Variants in TCIRG1 observed in about 807,000 individuals in gnomAD.
The protein encoded by TCIRG1 is T cell immune regulator 1, ATPase H+ transporting V0 subunit a3, also known as V-type proton ATPase 116 kDa subunit a 3.
TCIRG1 carries 86 observed loss-of-function variants against 95.5 expected under a neutral mutation model. The ratio of observed to expected loss-of-function variants is 0.90; its 90% confidence interval spans 0.76 to 1.08. TCIRG1 has a LOEUF of 1.08. Ranked by LOEUF, TCIRG1 falls within the 50% of genes least tolerant of loss-of-function variation. The probability of loss-of-function intolerance (pLI) is 0.00; values close to 1 mark genes in which losing one functional copy is unlikely to be tolerated. For synonymous variants in TCIRG1, 499 were observed against 501.3 expected, an observed-to-expected ratio of 1.00 and a Z score of 0.06; for missense variants, 1,069 against 1,140.2, an observed-to-expected ratio of 0.94 and a Z score of 0.90.
At position 68,049,152 on chromosome 11, in the gene TCIRG1, G is replaced by A; in HGVS notation, c.1745G>A (p.Gly582Asp). 10 of 1,613,924 alleles carry A rather than the reference G, an allele frequency of 6.2e-6. No homozygotes were observed. Among genetic ancestry groups the A allele is most frequent in the Non-Finnish European group, 8.5e-6 (10 of 1,180,010 alleles). Residue 582 changes from glycine (G) to aspartate (D), a missense_variant, in exon 15 of 20, where the codon GGT becomes GAT. Transcript: ENST00000265686. The part of the protein sequence containing the change: ...PELTFLLGLF[G>D]YLVFLVIYKW... ...CTCACCTTCCTGCTGGGACTCTTCG[G>A]TTACCTCGTGTTCCTAGTCATCTAC...
rs1855414759 is a variant in TCIRG1, at chr11:68,045,116, C to T, written c.1165+14C>T. ...AGGTCAACCCCGGTGAGAGCCACGG[C>T]ATCCTTACCCGTGTCCTGGGAGGCT... On this transcript the variant is annotated intron_variant, in intron 10 of 19. Transcript: ENST00000265686. The T allele has an allele frequency of 2.5e-6, 4 of 1,599,560 alleles. No individual in the cohort carries two copies. In the African/African-American group the frequency reaches 4.0e-5, roughly 16 times the overall value.
At chr11:68,045,626 T>C (rs879272967) in intron 10 of TCIRG1, among the ~76,000 whole-genome samples, 5 of 151,790 alleles carry the variant, frequency 3.3e-5, no homozygotes, top group Non-Finnish European at 5.9e-5. Flanking sequence ...TGATCTCGGC[T>C]CACTGAAACC....
chr11:68,053,190 A>C (rs1855862357), downstream of TCIRG1: 2 of 157,152 alleles, frequency 1.3e-5, no homozygotes. Context: ...GAGAGGCCCA[A>C]AGAGCTAGGT....
In TCIRG1 at chr11:68,049,683, G is replaced by C. The variant is rs1322052572; in HGVS notation, c.1908G>C (p.Leu636=). The change falls in exon 16 of 20, where the codon CTG becomes CTC. Residue 636 remains leucine (L), a synonymous_variant. Transcript: ENST00000265686. ...YPRQEVVQAT[L]VVLALAMVPI... is the part of the protein sequence containing the mutation. ...GGCAGGAGGTGGTCCAGGCCACGCT[G>C]GTGGTCCTGGCCTTGGCCATGGTGC... is the stretch of plus-strand genomic sequence containing the variant. The C allele has an allele frequency of 3.1e-6, 5 of 1,600,680 alleles. No homozygotes were observed. The highest frequency in any genetic ancestry group is 4.2e-6 in the Non-Finnish European group (5 of 1,178,806).
In TCIRG1 at chr11:68,043,855, C is replaced by T; in HGVS notation, c.755C>T (p.Ala252Val). 3 of 1,567,404 alleles carry T rather than the reference C, an allele frequency of 1.9e-6. No individual in the cohort carries two copies. The highest frequency in any genetic ancestry group is 2.6e-6 in the Non-Finnish European group (3 of 1,157,386). The change falls in exon 8 of 20, where the codon GCC becomes GTC. Residue 252 changes from alanine (A) to valine (V), a missense_variant. Ala to Val is a moderately conservative substitution (Grantham distance 64). Transcript: ENST00000265686. ...HVFPFLQQEE[A>V]RLGALQQLQQ... ...TTCCCGTTTCTGCAGCAGGAGGAGGCCCGCCTCGGGGCCCTGCAGCAGCTG... is the reference window on the plus strand; with the variant it reads ...TTCCCGTTTCTGCAGCAGGAGGAGGTCCGCCTCGGGGCCCTGCAGCAGCTG...
rs755196821 is a variant in TCIRG1 at position 68,049,252 on chromosome 11, C to T, written c.1845C>T (p.Leu615=). The change falls in exon 15 of 20, where the codon CTC becomes CTT. Residue 615 remains leucine (L), a synonymous_variant. Coordinates refer to ENST00000265686, the MANE Select transcript of TCIRG1 (RefSeq NM_006019.4). Reference sequence around the variant, plus strand: ...TCATCCACTTCATCAACATGTTCCTCTTCTCCCACAGCCCCAGCAACAGGC... The same window carrying T: ...TCATCCACTTCATCAACATGTTCCTTTTCTCCCACAGCCCCAGCAACAGGC... The part of the protein sequence containing the change: ...SILIHFINMF[L]FSHSPSNRLL... 4.3e-6 allele frequency: 7 copies of T among 1,613,454 alleles called. No homozygotes were observed. The highest frequency in any genetic ancestry group is 3.3e-5 in the South Asian group (3 of 91,090).
At chr11:68,040,190 C>T (rs972250094) in intron 1 of TCIRG1, among the ~76,000 whole-genome samples, 6 of 152,338 alleles carry the variant, frequency 3.9e-5, no homozygotes, top group Non-Finnish European at 8.8e-5. Context: ...AGGGGTGCCA[C>T]GTCCCATTCA....
In TCIRG1 at chr11:68,045,075, G is replaced by T; in HGVS notation, c.1138G>T (p.Val380Leu). 1.2e-6 allele frequency: 2 copies of T among 1,603,278 alleles called. No homozygotes were observed. The highest frequency in any genetic ancestry group is 1.1e-5 in the South Asian group (1 of 91,086). Residue 380 changes from valine to leucine, a missense_variant, in exon 10 of 20, where the codon GTG becomes TTG. Val to Leu is a conservative substitution (Grantham distance 32). Coordinates refer to ENST00000265686, the MANE Select transcript of TCIRG1 (RefSeq NM_006019.4). Reference sequence around the variant, plus strand: ...CCAGGGCATCGTGGATGCCTACGGCGTGGGCCGCTACCAGGAGGTCAACCC... The same window carrying T: ...CCAGGGCATCGTGGATGCCTACGGCTTGGGCCGCTACCAGGAGGTCAACCC... ...SFQGIVDAYG[V>L]GRYQEVNPAP...
At chr11:68,053,752 A>G (rs762240767), downstream of TCIRG1, 16 of 474,584 alleles carry the variant, frequency 3.4e-5, no homozygotes, top group Non-Finnish European at 4.5e-5. Flanking sequence ...ATGTTGCACT[A>G]TTGCACTATA....
At chr11:68,040,964 G>A (rs558528262) in intron 1 of TCIRG1, among the ~76,000 whole-genome samples, 1 of 152,326 alleles carries the variant, frequency 6.6e-6, no homozygotes, top group South Asian at 2.1e-4. Flanking sequence ...GTGAAGGTGG[G>A]GGTGGAGCCG....
intron 5 of TCIRG1, 70 bp downstream of exon 5, chr11:68,043,101 A>G (rs1855260634): frequency 1.9e-6 from 3 of 1,547,488 alleles, no homozygotes; most frequent in Non-Finnish European, 1.7e-6. Flanking sequence ...GGGCTGGGCC[A>G]GGCTGAGCTC....
intron 1 of TCIRG1, among the ~76,000 whole-genome samples, chr11:68,040,446 A>G (rs990123714): frequency 4.6e-5 from 7 of 152,180 alleles, no homozygotes; most frequent in African/African-American, 1.4e-4. Context: ...TTTAGAGTTA[A>G]GTAAACCAGA....
rs749362488 is a variant in TCIRG1, at chr11:68,049,804, A to G, written c.2013+16A>G. 3.8e-6 allele frequency: 6 copies of G among 1,564,926 alleles called. No homozygotes were observed. Among genetic ancestry groups the G allele is most frequent in the Non-Finnish European group, 5.2e-6 (6 of 1,162,370 alleles). On this transcript the variant is annotated intron_variant, in intron 16 of 19. Transcript: ENST00000265686. ...TGACCGACAGGTGGGACCGGGGCCT[A>G]AGGTGTGGGGGGCTGCTTGCGGGGA...
intron 3 of TCIRG1, among the ~76,000 whole-genome samples, 172 bp downstream of exon 3, chr11:68,042,003 G>A (rs1590801352): frequency 2.6e-5 from 4 of 152,232 alleles, no homozygotes; most frequent in East Asian, 3.9e-4. Context: ...GTGTGCTTGC[G>A]AAGGTGGCTG....
downstream of TCIRG1, among the ~76,000 whole-genome samples, chr11:68,051,215 G>A (rs533780655): frequency 3.3e-5 from 5 of 152,162 alleles, no homozygotes; most frequent in African/African-American, 7.2e-5. Context: ...CCCTGGTGCC[G>A]GGCCTCAGGG....
chr11:68,040,832 A>T (rs2134429234), intron 1 of TCIRG1, among the ~76,000 whole-genome samples: 1 of 152,232 alleles, frequency 6.6e-6, no homozygotes, highest in South Asian at 2.1e-4. Flanking sequence ...ACCACTCAGC[A>T]CATGCAGCTC....
Position 68,041,798 on chromosome 11 carries a change from G to A in TCIRG1, c.163G>A (p.Val55Ile). Reference protein sequence around the residue: ...SAFQRRFVVDVRRCEELEKTF... With the variant: ...SAFQRRFVVDIRRCEELEKTF... ...CTTCCAGAGACGCTTTGTGGTTGAT[G>A]TTCGGCGCTGTGAGGAGCTGGAGAA... is the stretch of plus-strand genomic sequence containing the variant. The change falls in exon 3 of 20, where the codon GTT becomes ATT. Residue 55 changes from valine (V) to isoleucine (I), a missense_variant. By Grantham distance (29) the Val-to-Ile change is conservative. Coordinates refer to ENST00000265686, the MANE Select transcript of TCIRG1 (RefSeq NM_006019.4). The A allele has an allele frequency of 6.8e-6, 11 of 1,610,502 alleles. No homozygotes were observed. Among genetic ancestry groups the A allele is most frequent in the Non-Finnish European group, 8.5e-6 (10 of 1,178,540 alleles).
chr11:68,051,086 T>C (rs572720234), downstream of TCIRG1, among the ~76,000 whole-genome samples: 1 of 152,036 alleles, frequency 6.6e-6, no homozygotes, highest in Non-Finnish European at 1.5e-5. Context: ...TAACTTGGAG[T>C]GAGCAAATGT....
rs1186667715 is a variant in TCIRG1 at position 68,044,359 on chromosome 11, G to A, written c.1020+15G>A. 2 of 1,545,156 alleles carry A rather than the reference G, an allele frequency of 1.3e-6. No homozygotes were observed. The highest frequency in any genetic ancestry group is 2.7e-5 in the African/African-American group (2 of 73,300). ...GGGACAGCTCGGTGAGCAGCCTGAG[G>A]CCTCGCCCCCTCTCCGCCCGCCCCT... On this transcript the variant is annotated intron_variant, in intron 9 of 19. Transcript: ENST00000265686.
Sources: allele counts gnomAD v4.1 joint callset (sites outside exome capture counted in the v4.1 genomes callset), GRCh38; gene constraint gnomAD v4.1.1; transcripts MANE v1.5; gene names NCBI Gene and HGNC (gene_info 2026-07-23, HGNC 2026-07-21).